ZNF576: variants seen among roughly 807,000 people sequenced by gnomAD.
The protein encoded by ZNF576 is zinc finger protein 576.
A neutral mutation model predicts 10.8 loss-of-function variants in ZNF576; 9 were observed. That is an observed-to-expected ratio of 0.84 (90% CI 0.50 to 1.46). The LOEUF (loss-of-function observed/expected upper bound fraction) is 1.46, where lower values mean the gene tolerates loss of function less well. Ranked by LOEUF, ZNF576 falls within the 40% of genes most tolerant of loss-of-function variation. The pLI is 0.00. For synonymous variants in ZNF576, 88 were observed against 89.6 expected (o/e 0.98, Z 0.10); for missense variants, 191 against 233.7 (o/e 0.82, Z 1.19).
chr19:43,596,930 T>C, intron 1 of ZNF576, 164 bp from the exon 2 acceptor site: 1 of 587,310 alleles, frequency 1.7e-6, no homozygotes, highest in Non-Finnish European at 3.0e-6. Context: ...AAGCTTCTTT[T>C]AGCAAGAACT....
rs755278793 is a variant in ZNF576 at position 43,599,264 on chromosome 19, G to A, written c.*6G>A. 6.2e-7 allele frequency: 1 copy of A among 1,608,000 alleles called. No individual in the cohort carries two copies. The highest frequency in any genetic ancestry group is 8.5e-7 in the Non-Finnish European group (1 of 1,175,404). ...ATGCCCGGGGGGAGCTCTGAGTGCA[G>A]CTTAAGCCTCTCCACGGTGACGGGT... On this transcript the variant is annotated 3_prime_UTR_variant, in exon 3 of 3. Transcript: ENST00000336564.
In ZNF576 at chr19:43,599,457, C is replaced by A; in HGVS notation, c.*199C>A. The A allele has an allele frequency of 2.6e-5, 14 of 533,260 alleles. No individual in the cohort carries two copies. Among genetic ancestry groups the A allele is most frequent in the Non-Finnish European group, 4.2e-5 (13 of 306,538 alleles). 33.0% of individuals were successfully genotyped at this position (533,260 alleles called of 1,614,324 possible). A position where few individuals can be genotyped will look rare whatever the true frequency, so the allele number is the denominator to read the frequency against. ...TGGAGCACACAGGGCCTTCGTGAGA[C>A]AGTGAAATCAGATAATAATGAGATC... On this transcript the variant is annotated 3_prime_UTR_variant, in exon 3 of 3. Transcript: ENST00000336564.
chr19:43,599,422 C>T lies in ZNF576; in HGVS notation c.*164C>T, dbSNP rs1973186797. The T allele has an allele frequency of 2.9e-6, 2 of 684,556 alleles. No individual in the cohort carries two copies. The highest frequency in any genetic ancestry group is 2.0e-5 in the South Asian group (1 of 49,768). 42.4% of individuals were successfully genotyped at this position (684,556 alleles called of 1,614,324 possible). ...GGACCCAGAAGATTCTTATTTAGAG[C>T]TTCAGTCTTTGGAGCACACAGGGCC... On this transcript the variant is annotated 3_prime_UTR_variant, in exon 3 of 3. Coordinates refer to ENST00000336564, the MANE Select transcript of ZNF576 (RefSeq NM_001145347.2).
chr19:43,599,226 C>T lies in ZNF576; in HGVS notation c.481C>T (p.His161Tyr). The change falls in exon 3 of 3, where the codon CAC becomes TAC. Residue 161 changes from histidine (H) to tyrosine (Y), a missense_variant. Coordinates refer to ENST00000336564, the MANE Select transcript of ZNF576 (RefSeq NM_001145347.2). Reference sequence around the variant, plus strand: ...TGCTCAGGAAGCAGGGCTGCATCAACACTACATTCGGCATGCCCGGGGGGA... The same window carrying T: ...TGCTCAGGAAGCAGGGCTGCATCAATACTACATTCGGCATGCCCGGGGGGA... ...DFAQEAGLHQ[H>Y]YIRHARGEL 1 of 1,614,138 alleles carries T rather than the reference C, an allele frequency of 6.2e-7. No individual in the cohort carries two copies. The highest frequency in any genetic ancestry group is 8.5e-7 in the Non-Finnish European group (1 of 1,179,986).
intron 2 of ZNF576, among the ~76,000 whole-genome samples, 194 bp from the exon 3 acceptor site, chr19:43,598,637 T>C (rs1973175014): frequency 1.3e-5 from 2 of 152,230 alleles, no homozygotes; most frequent in Admixed American, 1.3e-4. Context: ...GCAACTTGCC[T>C]AACCTCTTTG....
Position 43,599,482 on chromosome 19 carries a change from C to T in ZNF576, c.*224C>T, listed in dbSNP as rs939960404. ...CAGTGAAATCAGATAATAATGAGAT[C>T]TTTTGTTAAAAAAAAAAAATGGGAA... is the stretch of plus-strand genomic sequence containing the variant. On this transcript the variant is annotated 3_prime_UTR_variant, in exon 3 of 3. Transcript: ENST00000336564. 1 of 494,876 alleles carries T rather than the reference C, an allele frequency of 2.0e-6. No homozygotes were observed. The highest frequency in any genetic ancestry group is 3.5e-5 in the South Asian group (1 of 28,276). 30.7% of individuals were successfully genotyped at this position (494,876 alleles called of 1,614,324 possible).
At chr19:43,598,573 C>G (rs1027098725) in intron 2 of ZNF576, among the ~76,000 whole-genome samples, 1 of 152,198 alleles carries the variant, frequency 6.6e-6, no homozygotes, top group African/African-American at 2.4e-5. Flanking sequence ...CAGGCTGACT[C>G]TCTGGGTTCC....
chr19:43,598,186 T>C (rs304723), intron 2 of ZNF576, among the ~76,000 whole-genome samples: 108,214 of 152,036 alleles, frequency 0.71, 38,819 homozygotes, highest in African/African-American at 0.78. Flanking sequence ...GCTTGGACAG[T>C]ATTCATATTT....
chr19:43,599,132 G>C lies in ZNF576; in HGVS notation c.387G>C (p.Arg129=). The C allele has an allele frequency of 6.2e-7, 1 of 1,614,242 alleles. No individual in the cohort carries two copies. Among genetic ancestry groups the C allele is most frequent in the African/African-American group, 1.3e-5 (1 of 75,062 alleles). Residue 129 remains arginine, a synonymous_variant, in exon 3 of 3, where the codon CGG becomes CGC. Transcript: ENST00000336564. ...TTGGGCAGGCTGTTTCTCTGAGGCG[G>C]CACCGCCAGATGCATGAGGTCCGTG... is the stretch of plus-strand genomic sequence containing the variant. ...KTFGQAVSLR[R]HRQMHEVRAP...
Position 43,597,100 on chromosome 19 carries a change from C to T in ZNF576, c.-9C>T, listed in dbSNP as rs779589879. On this transcript the variant is annotated 5_prime_UTR_variant, in exon 2 of 3. Transcript: ENST00000336564. ...ACGCTCCTCTCCTGACTAGAAGGGT[C>T]CCAGCACCATGGAGGACCCGAACCC... The T allele has an allele frequency of 8.1e-6, 13 of 1,613,780 alleles. No individual in the cohort carries two copies. In the East Asian group the frequency reaches 2.7e-4, roughly 33 times the overall value.
rs753270601 is a variant in ZNF576 at position 43,597,133 on chromosome 19, A to C, written c.25A>C (p.Asn9His). The change falls in exon 2 of 3, where the codon AAC becomes CAC. Residue 9 changes from asparagine (N) to histidine (H), a missense_variant. By Grantham distance (68) the Asn-to-His change is moderately conservative (BLOSUM62 1). Coordinates refer to ENST00000336564, the MANE Select transcript of ZNF576 (RefSeq NM_001145347.2). MEDPNPEE[N>H]MKQQDSPKER... is the part of the protein sequence containing the mutation. ...CATGGAGGACCCGAACCCTGAAGAG[A>C]ACATGAAGCAGCAGGATTCACCCAA... The C allele has an allele frequency of 6.2e-7, 1 of 1,614,054 alleles. No homozygotes were observed. Among genetic ancestry groups the C allele is most frequent in the Non-Finnish European group, 8.5e-7 (1 of 1,179,994 alleles).
intron 2 of ZNF576, among the ~76,000 whole-genome samples, chr19:43,598,352 G>T (rs1294890341): frequency 6.6e-6 from 1 of 152,142 alleles, no homozygotes; most frequent in African/African-American, 2.4e-5. Context: ...ATGTCGGGCT[G>T]GATTTCTCTG....
At position 43,598,850 on chromosome 19, in the gene ZNF576, G is replaced by T; in HGVS notation, c.105G>T (p.Lys35Asn). Reference protein sequence around the residue: ...GGNICHLGAPKCTRCLITFAD... With the variant: ...GGNICHLGAPNCTRCLITFAD... ...CCTCAGGCCACCTGGGGGCCCCGAA[G>T]TGCACCCGCTGCCTCATCACCTTCG... The change falls in exon 3 of 3, where the codon AAG becomes AAT. Residue 35 changes from lysine to asparagine, a missense_variant. Transcript: ENST00000336564. 1 of 1,565,560 alleles carries T rather than the reference G, an allele frequency of 6.4e-7. No homozygotes were observed. The highest frequency in any genetic ancestry group is 8.7e-7 in the Non-Finnish European group (1 of 1,150,874).
chr19:43,599,078 C>T lies in ZNF576; in HGVS notation c.333C>T (p.Thr111=). The T allele has an allele frequency of 6.2e-7, 1 of 1,614,246 alleles. No individual in the cohort carries two copies. The highest frequency in any genetic ancestry group is 1.3e-5 in the African/African-American group (1 of 75,062). Residue 111 remains threonine (T), a synonymous_variant, in exon 3 of 3, where the codon ACC becomes ACT. Coordinates refer to ENST00000336564, the MANE Select transcript of ZNF576 (RefSeq NM_001145347.2). The part of the protein sequence containing the change: ...LPVATTTAQP[T]FPCPDCGKTF... ...TTGCAACCACTACTGCCCAGCCCAC[C>T]TTCCCTTGTCCTGACTGTGGCAAGA...
chr19:43,598,043 A>G (rs1217178031), intron 2 of ZNF576, among the ~76,000 whole-genome samples: 1 of 152,208 alleles, frequency 6.6e-6, no homozygotes, highest in Non-Finnish European at 1.5e-5. Flanking sequence ...AGCAGGGGCA[A>G]TTCTATGATT....
In ZNF576 at chr19:43,599,374, A is replaced by G; in HGVS notation, c.*116A>G. On this transcript the variant is annotated 3_prime_UTR_variant, in exon 3 of 3. Transcript: ENST00000336564. The stretch of plus-strand genomic sequence containing the variant: ...AAGGATTTGCTTCCCTCCCCTGGGA[A>G]GGCAGAGGGCTCTTAATAAAGAGGA... The G allele has an allele frequency of 9.2e-7, 1 of 1,090,300 alleles. No homozygotes were observed. The highest frequency in any genetic ancestry group is 1.3e-6 in the Non-Finnish European group (1 of 775,178). The allele number at this position is 1,090,300 out of a possible 1,614,324, so 67.5% of individuals were successfully genotyped here.
chr19:43,597,284 A>T (rs1973157411), intron 2 of ZNF576, 91 bp downstream of exon 2: 2 of 1,213,960 alleles, frequency 1.6e-6, no homozygotes, highest in African/African-American at 3.0e-5. Context: ...AAGGCGCCAC[A>T]GAGTTTTGCC....
chr19:43,598,324 T>G (rs1973172122), intron 2 of ZNF576, among the ~76,000 whole-genome samples: 1 of 152,206 alleles, frequency 6.6e-6, no homozygotes, highest in Admixed American at 6.5e-5. Flanking sequence ...TAGCTGTGAG[T>G]ACCAGGCCAG....
At chr19:43,598,508 C>A (rs965445183) in intron 2 of ZNF576, among the ~76,000 whole-genome samples, 2 of 152,152 alleles carry the variant, frequency 1.3e-5, no homozygotes, top group Non-Finnish European at 2.9e-5. Flanking sequence ...GAGATTCAAT[C>A]CCAAGCAGTC....
Sources: allele counts gnomAD v4.1 joint callset (sites outside exome capture counted in the v4.1 genomes callset), GRCh38; gene constraint gnomAD v4.1.1; transcripts MANE v1.5; gene names NCBI Gene and HGNC (gene_info 2026-07-23, HGNC 2026-07-21).